AKR1C8: variants seen among roughly 807,000 people sequenced by gnomAD.
The protein encoded by AKR1C8 is aldo-keto reductase family 1 member C-like protein 1.
chr10:5,132,737 T>G, the AKR1C8 span: 1 of 1,527,892 alleles, frequency 6.5e-7, no homozygotes, highest in South Asian at 1.1e-5. Flanking sequence ...CTATTGCTAA[T>G]TTTGTAACCT....
the AKR1C8 span, among the ~76,000 whole-genome samples, chr10:5,174,932 A>G: frequency 6.6e-6 from 1 of 152,134 alleles, no homozygotes; most frequent in Admixed American, 6.6e-5. Context: ...ATGTTTTTTC[A>G]TAAATCGAAC....
chr10:5,118,154 G>A, the AKR1C8 span, among the ~76,000 whole-genome samples: 2 of 152,116 alleles, frequency 1.3e-5, no homozygotes, highest in African/African-American at 2.4e-5. Context: ...TCAAAAATAA[G>A]TTATTTACTT....
the AKR1C8 span, among the ~76,000 whole-genome samples, chr10:5,156,701 A>G: frequency 0.24 from 37,135 of 152,128 alleles, 4,713 homozygotes; most frequent in African/African-American, 0.28. Flanking sequence ...GGATCAAAAA[A>G]TAAAATGGGC....
the AKR1C8 span, among the ~76,000 whole-genome samples, chr10:5,148,277 G>T: frequency 8.2e-3 from 1,253 of 152,162 alleles, 13 homozygotes; most frequent in African/African-American, 0.029. Flanking sequence ...AAGGAGGAAA[G>T]TAAAAATAAG....
chr10:5,137,739 G>A, the AKR1C8 span, among the ~76,000 whole-genome samples: 1 of 152,084 alleles, frequency 6.6e-6, no homozygotes, highest in African/African-American at 2.4e-5. Context: ...AGCCAGCTGA[G>A]AAATAAAGAG....
At chr10:5,165,859 G>T in the AKR1C8 span, among the ~76,000 whole-genome samples, 3 of 151,972 alleles carry the variant, frequency 2.0e-5, no homozygotes, top group African/African-American at 7.3e-5. Context: ...TATGATCTAA[G>T]AAATCTAGAA....
At chr10:5,120,684 A>T in the AKR1C8 span, among the ~76,000 whole-genome samples, 15 of 152,094 alleles carry the variant, frequency 9.9e-5, no homozygotes, top group Non-Finnish European at 1.9e-4. Flanking sequence ...GTCACTTCCC[A>T]CATTTTTGTT....
the AKR1C8 span, among the ~76,000 whole-genome samples, chr10:5,142,460 A>T: frequency 2.6e-5 from 4 of 152,166 alleles, no homozygotes; most frequent in Non-Finnish European, 5.9e-5. Context: ...TCAGCCTTCA[A>T]CATGCATTCC....
chr10:5,183,922 TC>T, the AKR1C8 span, among the ~76,000 whole-genome samples: 1 of 152,202 alleles, frequency 6.6e-6, no homozygotes, highest in Non-Finnish European at 1.5e-5. Flanking sequence ...AACACATTTG[TC>T]TTTTGTGTAA....
chr10:5,137,458 T>A, the AKR1C8 span, among the ~76,000 whole-genome samples: 1 of 151,872 alleles, frequency 6.6e-6, no homozygotes, highest in South Asian at 2.1e-4. Flanking sequence ...CACAAATCAA[T>A]AAACGTAATC....
the AKR1C8 span, among the ~76,000 whole-genome samples, chr10:5,167,617 C>T: frequency 2.0e-5 from 3 of 152,260 alleles, no homozygotes; most frequent in Non-Finnish European, 2.9e-5. Flanking sequence ...GGGAACAACA[C>T]ACACTGGGGC....
the AKR1C8 span, among the ~76,000 whole-genome samples, chr10:5,132,120 T>A: frequency 1.3e-5 from 2 of 152,162 alleles, no homozygotes; most frequent in Admixed American, 6.6e-5. Context: ...AAGTGGGAAC[T>A]AAGCTATGAG....
chr10:5,177,524 C>G, the AKR1C8 span, among the ~76,000 whole-genome samples: 1 of 152,092 alleles, frequency 6.6e-6, no homozygotes, highest in Admixed American at 6.6e-5. Context: ...CCTTCTTTTT[C>G]TATTGATTGG....
the AKR1C8 span, among the ~76,000 whole-genome samples, chr10:5,137,486 C>A: frequency 6.6e-6 from 1 of 151,948 alleles, no homozygotes; most frequent in Non-Finnish European, 1.5e-5. Flanking sequence ...TAAACAGGAC[C>A]AACAACAAAA....
the AKR1C8 span, among the ~76,000 whole-genome samples, chr10:5,144,106 C>A: frequency 6.6e-6 from 1 of 152,120 alleles, no homozygotes; most frequent in African/African-American, 2.4e-5. Context: ...AGCCAGTTTT[C>A]CCGGCACCAT....
the AKR1C8 span, among the ~76,000 whole-genome samples, chr10:5,159,073 A>G: frequency 7.2e-5 from 11 of 152,206 alleles, no homozygotes; most frequent in African/African-American, 2.7e-4. Context: ...CACTCTAGAA[A>G]GGAGAGAAGA....
At chr10:5,174,400 T>A in the AKR1C8 span, among the ~76,000 whole-genome samples, 409 of 152,106 alleles carry the variant, frequency 2.7e-3, 2 homozygotes, top group African/African-American at 9.1e-3. Flanking sequence ...AAATAAAATG[T>A]CTTAAAAAGT....
chr10:5,179,064 T>C, the AKR1C8 span, among the ~76,000 whole-genome samples: 19 of 152,314 alleles, frequency 1.2e-4, no homozygotes, highest in Admixed American at 3.9e-4. Flanking sequence ...ATGCAGTTTC[T>C]TCCTAGCCTC....
chr10:5,120,260 T>C, the AKR1C8 span, among the ~76,000 whole-genome samples: 1 of 152,176 alleles, frequency 6.6e-6, no homozygotes, highest in Non-Finnish European at 1.5e-5. Context: ...TGGCTTACTG[T>C]CGATAAATAT....
Sources: gnomAD v4.1 joint callset for allele counts (sites outside exome capture counted in the v4.1 genomes callset) on GRCh38, gnomAD v4.1.1 for gene constraint, MANE v1.5 for transcripts, NCBI Gene and HGNC (gene_info 2026-07-23, HGNC 2026-07-21) for gene names.